Variants in HTRA3 observed in about 807,000 individuals in gnomAD.
HTRA3 encodes serine protease HTRA3.
In HTRA3, 41 loss-of-function variants were observed where a neutral mutation model predicts 43.2. That is an observed-to-expected ratio of 0.95 (90% CI 0.74 to 1.23). The LOEUF (loss-of-function observed/expected upper bound fraction) is 1.23. Among genes scored for constraint, HTRA3 ranks in the 50% most tolerant of loss-of-function variants. HTRA3 has a pLI of 0.00. For missense variants in HTRA3, 628 were observed against 647.1 expected (o/e 0.97, Z 0.32); for synonymous variants, 295 against 287.9 (o/e 1.02, Z -0.25).
chr4:8,270,520 C>G (rs1238192562), intron 1 of HTRA3, among the ~76,000 whole-genome samples, 167 bp downstream of exon 1: 1 of 152,192 alleles, frequency 6.6e-6, no homozygotes, highest in East Asian at 1.9e-4. Context: ...AACTGAGGCC[C>G]GGAAAGGTAA....
rs554859835 is a variant in HTRA3 at position 8,277,018 on chromosome 4, T to C, written c.386-5419T>C. Among the ~76,000 whole-genome samples, 8 of 152,274 alleles carry C rather than the reference T, an allele frequency of 5.3e-5. No homozygotes were observed. In the South Asian group the frequency reaches 1.7e-3, roughly 32 times the overall value. On this transcript the variant is annotated intron_variant, in intron 1 of 8. Transcript: ENST00000307358. Reference sequence around the variant, plus strand: ...CCCAAATCGGGTCCCGCCTGCGAGGTGTGGCCCGTGGAGGGGGAGGCAGCG... The same window carrying C: ...CCCAAATCGGGTCCCGCCTGCGAGGCGTGGCCCGTGGAGGGGGAGGCAGCG...
chr4:8,277,457 G>T (rs1712573775), intron 1 of HTRA3, among the ~76,000 whole-genome samples: 1 of 134,664 alleles, frequency 7.4e-6, no homozygotes, highest in Non-Finnish European at 1.8e-5. Flanking sequence ...ACTCCCAAGG[G>T]ACTAGCTTTG....
Position 8,269,944 on chromosome 4 carries a change from G to C in HTRA3, c.-25G>C. 9.4e-7 allele frequency: 1 copy of C among 1,065,852 alleles called. No homozygotes were observed. Among genetic ancestry groups the C allele is most frequent in the Non-Finnish European group, 1.1e-6 (1 of 882,220 alleles). The allele number at this position is 1,065,852 out of a possible 1,614,324, so 66.0% of individuals were successfully genotyped here. A position where few individuals can be genotyped will look rare whatever the true frequency, so the allele number is the denominator to read the frequency against. ...CGGCCCCCGCCCGGTCTCCCGCGCT[G>C]CCACCCGCCGCCGGCCCTGCCGCCA... On this transcript the variant is annotated 5_prime_UTR_variant, in exon 1 of 9. Coordinates refer to ENST00000307358, the MANE Select transcript of HTRA3 (RefSeq NM_053044.5).
intron 1 of HTRA3, among the ~76,000 whole-genome samples, chr4:8,274,192 G>T (rs1027138511): frequency 6.6e-6 from 1 of 152,228 alleles, no homozygotes; most frequent in Admixed American, 6.5e-5. Flanking sequence ...TGGCCTCATG[G>T]CCTCACCGGT....
Position 8,296,041 on chromosome 4 carries a change from T to C in HTRA3, c.1051+1840T>C. On this transcript the variant is annotated intron_variant, in intron 6 of 8. Transcript: ENST00000307358. The surrounding 1 kb of genome is among the most constrained non-coding windows in gnomAD (Gnocchi z 5.3). Reference sequence around the variant, plus strand: ...ACCTGTCCTAGCATGCTCCTTTCCCTAATGACCGAGTCTTTCCTGTTGAAT... The same window carrying C: ...ACCTGTCCTAGCATGCTCCTTTCCCCAATGACCGAGTCTTTCCTGTTGAAT... The C allele has an allele frequency of 8.8e-7, 1 of 1,132,348 alleles. No homozygotes were observed. Among genetic ancestry groups the C allele is most frequent in the Admixed American group, 4.9e-5 (1 of 20,576 alleles). The allele number at this position is 1,132,348 out of a possible 1,614,324, so 70.1% of individuals were successfully genotyped here.
In HTRA3 at chr4:8,306,396, C is replaced by A; in HGVS notation, c.*260C>A. On this transcript the variant is annotated 3_prime_UTR_variant, in exon 9 of 9. Transcript: ENST00000307358. This position sits in a 1 kb window ranked among gnomAD's most constrained non-coding sequence, Gnocchi z 8.9. ...ATCCTGAAAGTCACTTCCAAGTTCTCCGGATATTCACAAAACTGCCTTCCA... is the reference window on the plus strand; with the variant it reads ...ATCCTGAAAGTCACTTCCAAGTTCTACGGATATTCACAAAACTGCCTTCCA... 2.5e-6 allele frequency: 1 copy of A among 394,434 alleles called. No individual in the cohort carries two copies. Among genetic ancestry groups the A allele is most frequent in the Non-Finnish European group, 4.6e-6 (1 of 219,130 alleles). 24.4% of individuals were successfully genotyped at this position (394,434 alleles called of 1,614,324 possible). A position where few individuals can be genotyped will look rare whatever the true frequency, so the allele number is the denominator to read the frequency against.
chr4:8,280,288 C>T (rs1406009386), intron 1 of HTRA3, among the ~76,000 whole-genome samples: 2 of 152,136 alleles, frequency 1.3e-5, no homozygotes, highest in African/African-American at 2.4e-5. Context: ...AGCAGCAGAC[C>T]GGCTGAGTCC....
rs2153006674 is a variant in HTRA3 at position 8,295,953 on chromosome 4, C to T, written c.1051+1752C>T. 8.2e-7 allele frequency: 1 copy of T among 1,216,966 alleles called. No individual in the cohort carries two copies. The highest frequency in any genetic ancestry group is 1.6e-5 in the African/African-American group (1 of 64,256). 75.4% of individuals were successfully genotyped at this position (1,216,966 alleles called of 1,614,324 possible). A position where few individuals can be genotyped will look rare whatever the true frequency, so the allele number is the denominator to read the frequency against. On this transcript the variant is annotated intron_variant, in intron 6 of 8. Coordinates refer to ENST00000307358, the MANE Select transcript of HTRA3 (RefSeq NM_053044.5). The surrounding 1 kb of genome is among the most constrained non-coding windows in gnomAD (Gnocchi z 6.9). ...TCTTGAACAGTGGGGACCATCTAATCTCTTGAGCCCTTTTCCTGTTGGCTT... is the reference window on the plus strand; with the variant it reads ...TCTTGAACAGTGGGGACCATCTAATTTCTTGAGCCCTTTTCCTGTTGGCTT...
intron 1 of HTRA3, among the ~76,000 whole-genome samples, chr4:8,274,517 C>T (rs572951113): frequency 3.7e-4 from 57 of 152,350 alleles, no homozygotes; most frequent in Non-Finnish European, 6.0e-4. Flanking sequence ...CGAAATGAGA[C>T]GAGGGCCCAT....
At chr4:8,290,262 A>G (rs1462783018) in intron 3 of HTRA3, among the ~76,000 whole-genome samples, 1 of 152,238 alleles carries the variant, frequency 6.6e-6, no homozygotes, top group Non-Finnish European at 1.5e-5. Context: ...CGTCCCCATT[A>G]TTGACAGCTT....
intron 4 of HTRA3, 38 bp downstream of exon 4, chr4:8,291,602 C>G (rs758289266): frequency 2.0e-6 from 3 of 1,464,614 alleles, no homozygotes; most frequent in Non-Finnish European, 2.8e-6. Context: ...CACCTGCCAT[C>G]TGTGCCCAAG....
intron 3 of HTRA3, among the ~76,000 whole-genome samples, chr4:8,287,200 C>T (rs1051878445): frequency 6.6e-6 from 1 of 152,206 alleles, no homozygotes; most frequent in Non-Finnish European, 1.5e-5. Flanking sequence ...CCCATCCCTC[C>T]ACCTTCACGT....
chr4:8,299,264 T>G lies in HTRA3; in HGVS notation c.1052-3199T>G, dbSNP rs114889044. Among the ~76,000 whole-genome samples the G allele has an allele frequency of 8.4e-3, 1,281 of 152,370 alleles. 14 individuals are homozygous for G. The highest frequency in any genetic ancestry group is 0.029 in the African/African-American group (1,223 of 41,574). On this transcript the variant is annotated intron_variant, in intron 6 of 8. Transcript: ENST00000307358. The stretch of plus-strand genomic sequence containing the variant: ...TGATGCTATTATAAATGATGTATTC[T>G]TTTAAATTTCAGTTTCTGCTGGTTG...
intron 7 of HTRA3, 75 bp downstream of exon 7, chr4:8,302,586 G>T: frequency 6.8e-7 from 1 of 1,477,504 alleles, no homozygotes; most frequent in African/African-American, 1.4e-5. Context: ...TCCAGACCCT[G>T]GCTGGCTGTG....
At chr4:8,287,876 C>G (rs535541181) in intron 3 of HTRA3, among the ~76,000 whole-genome samples, 2 of 152,340 alleles carry the variant, frequency 1.3e-5, no homozygotes, top group African/African-American at 4.8e-5. Flanking sequence ...CCAGCTTGTT[C>G]TTGTCTTGCC....
intron 2 of HTRA3, among the ~76,000 whole-genome samples, chr4:8,285,745 C>T (rs945424040): frequency 1.3e-5 from 2 of 152,212 alleles, no homozygotes; most frequent in Admixed American, 6.5e-5. Flanking sequence ...CAATGCAAAC[C>T]CAGGCCAGCT....
At chr4:8,299,424 A>C (rs1050198469) in intron 6 of HTRA3, among the ~76,000 whole-genome samples, 1 of 152,136 alleles carries the variant, frequency 6.6e-6, no homozygotes, top group East Asian at 1.9e-4. Context: ...ATGGCTATGC[A>C]GTCTGTGAAT....
At chr4:8,281,559 TG>T (rs1337472754) in intron 1 of HTRA3, among the ~76,000 whole-genome samples, 1 of 152,212 alleles carries the variant, frequency 6.6e-6, no homozygotes, top group African/African-American at 2.4e-5. Context: ...GCCGAACCCC[TG>T]GTGTGTGCAG....
rs1370954190 is a variant in HTRA3, at chr4:8,306,374, C to T, written c.*238C>T. The stretch of plus-strand genomic sequence containing the variant: ...CCAACATCCCCTTGTACAGATGATC[C>T]TGAAAGTCACTTCCAAGTTCTCCGG... On this transcript the variant is annotated 3_prime_UTR_variant, in exon 9 of 9. Transcript: ENST00000307358. The surrounding 1 kb of genome is among the most constrained non-coding windows in gnomAD (Gnocchi z 8.9). The T allele has an allele frequency of 2.3e-6, 1 of 439,420 alleles. No individual in the cohort carries two copies. Among genetic ancestry groups the T allele is most frequent in the African/African-American group, 2.0e-5 (1 of 49,180 alleles). 27.2% of individuals were successfully genotyped at this position (439,420 alleles called of 1,614,324 possible). A position where few individuals can be genotyped will look rare whatever the true frequency, so the allele number is the denominator to read the frequency against.
Sources: gnomAD v4.1 joint callset for allele counts (sites outside exome capture counted in the v4.1 genomes callset) on GRCh38, gnomAD v4.1.1 for gene constraint, Gnocchi (gnomAD v3.1) non-coding constraint, MANE v1.5 for transcripts, NCBI Gene and HGNC (gene_info 2026-07-23, HGNC 2026-07-21) for gene names.